RUNX2: variants seen among roughly 807,000 people sequenced by gnomAD.
RUNX2 encodes RUNX family transcription factor 2.
A neutral mutation model predicts 51.7 loss-of-function variants in RUNX2; 10 were observed. The ratio of observed to expected loss-of-function variants is 0.19; its 90% CI spans 0.12 to 0.33. RUNX2 has a LOEUF of 0.33. Ranked by LOEUF, RUNX2 falls within the 10% of genes least tolerant of loss-of-function variation. The pLI is 1.00. For synonymous variants in RUNX2, 276 were observed against 273.6 expected, an observed-to-expected ratio of 1.01 and a Z score of -0.09; for missense variants, 562 against 691.3, an observed-to-expected ratio of 0.81 and a Z score of 2.10.
intron 2 of RUNX2, among the ~76,000 whole-genome samples, chr6:45,366,693 T>C (rs143627078): frequency 6.6e-5 from 10 of 152,316 alleles, no homozygotes; most frequent in Non-Finnish European, 1.3e-4. Flanking sequence ...AGCTTCTTTA[T>C]AAGTTGAGTT....
intron 2 of RUNX2, among the ~76,000 whole-genome samples, chr6:45,399,005 G>A (rs936795262): frequency 1.5e-5 from 2 of 130,018 alleles, no homozygotes; most frequent in Non-Finnish European, 3.3e-5. Flanking sequence ...ACAAAAGCAA[G>A]CTGTAAATAA....
chr6:45,392,785 T>C lies in RUNX2; in HGVS notation c.59-29808T>C, dbSNP rs563055640. Among the ~76,000 whole-genome samples the C allele has an allele frequency of 3.3e-5, 5 of 152,306 alleles. No homozygotes were observed. In the South Asian group the frequency reaches 6.2e-4, roughly 19 times the overall value. On this transcript the variant is annotated intron_variant, in intron 2 of 8. Coordinates refer to ENST00000647337, the MANE Select transcript of RUNX2 (RefSeq NM_001024630.4). ...TAAGGTTTAGTGTCTCTCATTCATT[T>C]TGGAAAATTCTCAGCCATCATTACT...
At chr6:45,514,897 C>G (rs921988626) in intron 7 of RUNX2, among the ~76,000 whole-genome samples, 1 of 151,604 alleles carries the variant, frequency 6.6e-6, no homozygotes, top group Non-Finnish European at 1.5e-5. Context: ...CTAGAGGCTC[C>G]TACATGTGAG....
At chr6:45,409,067 T>A (rs912982276) in intron 2 of RUNX2, among the ~76,000 whole-genome samples, 2 of 152,214 alleles carry the variant, frequency 1.3e-5, no homozygotes, top group Admixed American at 1.3e-4. Context: ...CACAAGCCAC[T>A]AGCTTTTATA....
chr6:45,364,476 C>T (rs1263528394), intron 2 of RUNX2, among the ~76,000 whole-genome samples: 1 of 152,244 alleles, frequency 6.6e-6, no homozygotes, highest in East Asian at 1.9e-4. Context: ...AAAAGAAGAG[C>T]ACTATAATAT....
At chr6:45,342,589 G>A (rs773146984) in intron 2 of RUNX2, among the ~76,000 whole-genome samples, 2 of 152,092 alleles carry the variant, frequency 1.3e-5, no homozygotes, top group Middle Eastern at 3.2e-3. Context: ...AATAATATGA[G>A]AGTGCCTCTA....
intron 6 of RUNX2, among the ~76,000 whole-genome samples, chr6:45,509,988 A>G (rs534427814): frequency 1.5e-4 from 23 of 152,274 alleles, no homozygotes; most frequent in Admixed American, 2.6e-4. Context: ...GTCTTTTGAA[A>G]ATGTTGCTTG....
chr6:45,495,098 C>T (rs1471153451), intron 6 of RUNX2, among the ~76,000 whole-genome samples: 1 of 152,256 alleles, frequency 6.6e-6, no homozygotes, highest in Non-Finnish European at 1.5e-5. Context: ...CTGGAACCTT[C>T]ATCCAAAGGC....
At chr6:45,429,708 T>G (rs1477771901) in intron 3 of RUNX2, among the ~76,000 whole-genome samples, 1 of 152,178 alleles carries the variant, frequency 6.6e-6, no homozygotes, top group Non-Finnish European at 1.5e-5. Context: ...GACTCAACAT[T>G]AACTGGCCCT....
intron 2 of RUNX2, among the ~76,000 whole-genome samples, chr6:45,411,798 C>A (rs1314250315): frequency 1.3e-5 from 2 of 151,866 alleles, no homozygotes; most frequent in Non-Finnish European, 2.9e-5. Context: ...GGGTAAACAC[C>A]AGTGAAGCAA....
At chr6:45,527,764 C>T (rs1188862865) in intron 7 of RUNX2, among the ~76,000 whole-genome samples, 1 of 152,106 alleles carries the variant, frequency 6.6e-6, no homozygotes, top group African/African-American at 2.4e-5. Context: ...TTTTTGTAAT[C>T]ACATTTTGTT....
intron 5 of RUNX2, among the ~76,000 whole-genome samples, chr6:45,463,197 A>G (rs1799523284): frequency 6.6e-6 from 1 of 152,232 alleles, no homozygotes; most frequent in Non-Finnish European, 1.5e-5. Flanking sequence ...AGGAAATAAA[A>G]TACATGCTGA....
chr6:45,428,412 C>A lies in RUNX2; in HGVS notation c.424-3451C>A, dbSNP rs563796032. Among the ~76,000 whole-genome samples, 43 of 152,020 alleles carry A rather than the reference C, an allele frequency of 2.8e-4. 1 individual carries two copies. The South Asian group carries it at 5.8e-3, about 21-fold the overall frequency. Reference sequence around the variant, plus strand: ...CTTCCCCCAACTCCCAACCTTTTCTCCCCCTCAGAAAAACATCGGGCAATC... The same window carrying A: ...CTTCCCCCAACTCCCAACCTTTTCTACCCCTCAGAAAAACATCGGGCAATC... On this transcript the variant is annotated intron_variant, in intron 3 of 8. Coordinates refer to ENST00000647337, the MANE Select transcript of RUNX2 (RefSeq NM_001024630.4).
chr6:45,377,578 T>C (rs914477544), intron 2 of RUNX2, among the ~76,000 whole-genome samples: 3 of 151,108 alleles, frequency 2.0e-5, no homozygotes, highest in African/African-American at 7.3e-5. Context: ...GGCCAGCGCC[T>C]CCCACAGCCG....
At chr6:45,431,173 C>T (rs1798531451) in intron 3 of RUNX2, among the ~76,000 whole-genome samples, 1 of 152,146 alleles carries the variant, frequency 6.6e-6, no homozygotes, top group Non-Finnish European at 1.5e-5. Flanking sequence ...GGACACAAGA[C>T]ATAATAGAAC....
intron 2 of RUNX2, among the ~76,000 whole-genome samples, chr6:45,334,051 T>C (rs77375322): frequency 0.029 from 4,435 of 151,332 alleles, 92 homozygotes; most frequent in Non-Finnish European, 0.047. Flanking sequence ...CAGAAATATA[T>C]CTAAGATTAT....
At chr6:45,533,795 G>A (rs1354174462) in intron 7 of RUNX2, among the ~76,000 whole-genome samples, 4 of 151,988 alleles carry the variant, frequency 2.6e-5, no homozygotes, top group Admixed American at 6.6e-5. Flanking sequence ...CATCCAGTGC[G>A]AGAAGGCATA....
chr6:45,513,289 G>C (rs139253211), intron 7 of RUNX2, among the ~76,000 whole-genome samples: 1 of 152,058 alleles, frequency 6.6e-6, no homozygotes, highest in Non-Finnish European at 1.5e-5. Context: ...AATGACGTAC[G>C]TCCACAGAGG....
Position 45,427,946 on chromosome 6 carries a change from C to T in RUNX2, c.424-3917C>T, listed in dbSNP as rs781457089. Among the ~76,000 whole-genome samples the T allele has an allele frequency of 5.3e-5, 8 of 152,154 alleles. No homozygotes were observed. In the East Asian group the frequency reaches 9.6e-4, roughly 18 times the overall value. On this transcript the variant is annotated intron_variant, in intron 3 of 8. Transcript: ENST00000647337. ...TTTAAATGCTAGTTATGGTGAGGTG[C>T]GCTAAATAAAGGAACGTCTTTCTCT...
Sources: allele counts gnomAD v4.1 joint callset (sites outside exome capture counted in the v4.1 genomes callset), GRCh38; gene constraint gnomAD v4.1.1; transcripts MANE v1.5; gene names NCBI Gene and HGNC (gene_info 2026-07-23, HGNC 2026-07-21).